MCC: variants seen among roughly 807,000 people sequenced by gnomAD.
MCC encodes the protein colorectal mutant cancer protein.
In MCC, 90 loss-of-function variants were observed where a neutral mutation model predicts 116.2. That is an observed-to-expected ratio of 0.77 (90% CI 0.65 to 0.92). The LOEUF is 0.92. MCC is among the 40% of genes least tolerant of loss of function. MCC has a pLI of 0.00. For synonymous variants in MCC, 578 were observed against 510.5 expected (o/e 1.13, Z -1.78); for missense variants, 1,516 against 1,312.2 (o/e 1.16, Z -2.40).
intron 3 of MCC, among the ~76,000 whole-genome samples, chr5:113,250,604 T>C (rs931623631): frequency 2.6e-5 from 4 of 151,678 alleles, no homozygotes; most frequent in African/African-American, 7.3e-5. Context: ...GTTCTTGTTA[T>C]TGGAATCCTA....
At chr5:113,462,404 T>G (rs1431419646) in intron 1 of MCC, among the ~76,000 whole-genome samples, 1 of 152,242 alleles carries the variant, frequency 6.6e-6, no homozygotes, top group African/African-American at 2.4e-5. Context: ...CAGGCTGCCA[T>G]ATTTTCCTGA....
Position 113,027,020 on chromosome 5 carries a change from T to G in MCC, c.*282A>C. On this transcript the variant is annotated 3_prime_UTR_variant, in exon 19 of 19. Coordinates refer to ENST00000408903, the MANE Select transcript of MCC (RefSeq NM_001085377.2). ...ACCAGAAGAGGAGGGGGAGAGTGAG[T>G]GCTGAAAGCAGAAACGAGGCTCTGC... The G allele has an allele frequency of 5.3e-6, 2 of 374,322 alleles. No homozygotes were observed. The highest frequency in any genetic ancestry group is 2.1e-5 in the African/African-American group (1 of 48,158). 23.2% of individuals were successfully genotyped at this position (374,322 alleles called of 1,614,324 possible).
At chr5:113,089,772 T>C (rs2150247238) in intron 8 of MCC, among the ~76,000 whole-genome samples, 1 of 152,328 alleles carries the variant, frequency 6.6e-6, no homozygotes, top group African/African-American at 2.4e-5. Context: ...TACCCATCAG[T>C]GCAGTTCTAA....
chr5:113,401,221 A>G (rs1769677626), intron 1 of MCC, among the ~76,000 whole-genome samples: 1 of 152,202 alleles, frequency 6.6e-6, no homozygotes. Context: ...AGACAATTGC[A>G]CCCAATTTCT....
intron 8 of MCC, among the ~76,000 whole-genome samples, chr5:113,090,358 GA>G (rs11299345): frequency 0.47 from 68,254 of 146,166 alleles, 17,011 homozygotes; most frequent in African/African-American, 0.69. Flanking sequence ...GACCAAAAAA[GA>G]AAAAAAAAAA....
chr5:113,308,963 G>A (rs1767068833), intron 3 of MCC, among the ~76,000 whole-genome samples: 1 of 152,140 alleles, frequency 6.6e-6, no homozygotes, highest in Non-Finnish European at 1.5e-5. Context: ...CCATTGCTAT[G>A]GCTAGTCCCC....
At chr5:113,445,025 A>G (rs2150417378) in intron 1 of MCC, among the ~76,000 whole-genome samples, 1 of 152,340 alleles carries the variant, frequency 6.6e-6, no homozygotes, top group African/African-American at 2.4e-5. Flanking sequence ...TCTCTTAAAA[A>G]CAAAATCCCT....
Position 113,229,561 on chromosome 5 carries a change from G to A in MCC, c.628-78139C>T, listed in dbSNP as rs183338543. On this transcript the variant is annotated intron_variant, in intron 3 of 18. Coordinates refer to ENST00000408903, the MANE Select transcript of MCC (RefSeq NM_001085377.2). ...AACTTTTCTAATGCCCTCTGCATGG[G>A]TTTAGGATACAATCACTCCGGCAAG... is the stretch of plus-strand genomic sequence containing the variant. Among the ~76,000 whole-genome samples the A allele has an allele frequency of 1.0e-3, 154 of 152,282 alleles. 1 individual carries two copies. The highest frequency in any genetic ancestry group is 3.4e-3 in the African/African-American group (140 of 41,560).
At chr5:113,411,017 A>G (rs1474325249) in intron 1 of MCC, among the ~76,000 whole-genome samples, 2 of 152,064 alleles carry the variant, frequency 1.3e-5, no homozygotes, top group African/African-American at 2.4e-5. Context: ...TGATGGACAT[A>G]TAGGTTGGTT....
At chr5:113,168,746 T>G (rs1378110044) in intron 3 of MCC, among the ~76,000 whole-genome samples, 1 of 151,940 alleles carries the variant, frequency 6.6e-6, no homozygotes, top group Non-Finnish European at 1.5e-5. Flanking sequence ...GTGGGTGGTG[T>G]TGGGGGGAAA....
At chr5:113,173,496 T>C (rs2150304869) in intron 3 of MCC, among the ~76,000 whole-genome samples, 1 of 152,368 alleles carries the variant, frequency 6.6e-6, no homozygotes, top group Non-Finnish European at 1.5e-5. Context: ...TTATTCTTCC[T>C]GATAAATATA....
intron 2 of MCC, among the ~76,000 whole-genome samples, chr5:113,366,146 A>G (rs1356552991): frequency 1.3e-5 from 2 of 152,166 alleles, no homozygotes; most frequent in African/African-American, 4.8e-5. Context: ...AGTTAATTTT[A>G]ATCAGATTTT....
At chr5:113,351,765 T>G (rs1157508726) in intron 2 of MCC, among the ~76,000 whole-genome samples, 1 of 152,170 alleles carries the variant, frequency 6.6e-6, no homozygotes, top group Non-Finnish European at 1.5e-5. Context: ...ATGATGTGAT[T>G]ATTATGTACT....
At chr5:113,443,829 C>A (rs1169125980) in intron 1 of MCC, among the ~76,000 whole-genome samples, 1 of 152,134 alleles carries the variant, frequency 6.6e-6, no homozygotes, top group East Asian at 1.9e-4. Flanking sequence ...ACCAGCCTTG[C>A]ATCCCAGGTA....
At chr5:113,384,598 A>C (rs1470584414) in intron 2 of MCC, among the ~76,000 whole-genome samples, 1 of 152,104 alleles carries the variant, frequency 6.6e-6, no homozygotes, top group African/African-American at 2.4e-5. Flanking sequence ...CCGCCCCCCA[A>C]AAAAATTGCT....
chr5:113,389,170 A>T (rs1438397631), intron 1 of MCC, among the ~76,000 whole-genome samples: 1 of 152,266 alleles, frequency 6.6e-6, no homozygotes, highest in African/African-American at 2.4e-5. Context: ...GCTCTCCTTT[A>T]TATCAAGAGC....
At chr5:113,484,474 CAG>C (rs1219972439) in intron 1 of MCC, among the ~76,000 whole-genome samples, 3 of 152,016 alleles carry the variant, frequency 2.0e-5, no homozygotes, top group Non-Finnish European at 4.4e-5. Flanking sequence ...TTTGAGAAAA[CAG>C]ATATGATTTC....
rs757936630 is a variant in MCC at position 113,068,095 on chromosome 5, C to G, written c.2014G>C (p.Val672Leu). Residue 672 changes from valine (V) to leucine (L), a missense_variant, in exon 13 of 19, where the codon GTG becomes CTG. Val to Leu is a conservative substitution (Grantham distance 32). Coordinates refer to ENST00000408903, the MANE Select transcript of MCC (RefSeq NM_001085377.2). Reference protein sequence around the residue: ...LILGQFRAAGVGSSPGDQSGD... With the variant: ...LILGQFRAAGLGSSPGDQSGD... ...AGACACTTACCAGGGGAGGACCCCA[C>G]GCCCGCCGCTCGGAACTGCCCCAGG... The G allele has an allele frequency of 3.1e-6, 5 of 1,613,896 alleles. No homozygotes were observed. Among genetic ancestry groups the G allele is most frequent in the East Asian group, 2.2e-5 (1 of 44,882 alleles).
chr5:113,405,580 GGAGTTCAA>G (rs1769805649), intron 1 of MCC, among the ~76,000 whole-genome samples: 1 of 152,080 alleles, frequency 6.6e-6, no homozygotes, highest in Non-Finnish European at 1.5e-5. Context: ...CTTGATGCCA[GGAGTTCAA>G]GACTAGCCTG....
Sources: gnomAD v4.1 joint callset for allele counts (sites outside exome capture counted in the v4.1 genomes callset) on GRCh38, gnomAD v4.1.1 for gene constraint, MANE v1.5 for transcripts, NCBI Gene and HGNC (gene_info 2026-07-23, HGNC 2026-07-21) for gene names.